Variants in GPT2 observed in about 807,000 individuals in gnomAD.
The protein encoded by GPT2 is glutamic--pyruvic transaminase 2.
In GPT2, 30 loss-of-function variants were observed where a neutral mutation model predicts 56.9. The ratio of observed to expected loss-of-function variants is 0.53; its 90% CI spans 0.39 to 0.72. GPT2 has a LOEUF of 0.72. Ranked by LOEUF, GPT2 falls within the 30% of genes least tolerant of loss-of-function variation. The pLI is 0.00. For synonymous variants in GPT2, 271 were observed against 283.1 expected (o/e 0.96, Z 0.43); for missense variants, 542 against 703.4 (o/e 0.77, Z 2.60).
chr16:46,928,444 GA>G (rs1961461001), intron 11 of GPT2, among the ~76,000 whole-genome samples: 1 of 152,004 alleles, frequency 6.6e-6, no homozygotes, highest in Non-Finnish European at 1.5e-5. Context: ...TCAACATGGT[GA>G]AACCCCGTCT....
chr16:46,929,086 C>A lies in GPT2; in HGVS notation c.*89C>A. 9.8e-7 allele frequency: 1 copy of A among 1,022,140 alleles called. No individual in the cohort carries two copies. The highest frequency in any genetic ancestry group is 1.6e-5 in the African/African-American group (1 of 63,514). The allele number at this position is 1,022,140 out of a possible 1,614,324, so 63.3% of individuals were successfully genotyped here. ...ACTCGCCTCCCCCGTGACTCTGCCTCGGGCCTCGCAGAGGCCGCTGGTCAC... is the reference window on the plus strand; with the variant it reads ...ACTCGCCTCCCCCGTGACTCTGCCTAGGGCCTCGCAGAGGCCGCTGGTCAC... On this transcript the variant is annotated 3_prime_UTR_variant, in exon 12 of 12. Coordinates refer to ENST00000340124, the MANE Select transcript of GPT2 (RefSeq NM_133443.4).
chr16:46,900,235 G>A (rs531005992), intron 3 of GPT2, among the ~76,000 whole-genome samples: 4 of 152,042 alleles, frequency 2.6e-5, no homozygotes, highest in Non-Finnish European at 5.9e-5. Context: ...GGAGGAAAGG[G>A]GGTGATGAGG....
At position 46,924,530 on chromosome 16, in the gene GPT2, G is replaced by A. The variant is rs147532606; in HGVS notation, c.1354G>A (p.Val452Met). 2.5e-4 allele frequency: 405 copies of A among 1,614,182 alleles called. 4 individuals carry two copies. The highest frequency in any genetic ancestry group is 2.2e-3 in the South Asian group (196 of 91,088). Residue 452 changes from valine (V) to methionine (M), a missense_variant, in exon 10 of 12, where the codon GTG becomes ATG. Val to Met is a conservative substitution (Grantham distance 21). Coordinates refer to ENST00000340124, the MANE Select transcript of GPT2 (RefSeq NM_133443.4). ...FPRIFIPAKA[V>M]EAAQAHQMAP... ...TCGGATCTTCATTCCTGCCAAAGCT[G>A]TGGAGGCTGCTCAGGTCTGGGGCAT...
intron 2 of GPT2, among the ~76,000 whole-genome samples, chr16:46,891,328 C>T (rs1012593391): frequency 1.3e-5 from 2 of 151,868 alleles, no homozygotes; most frequent in South Asian, 2.1e-4. Flanking sequence ...CTGCAACCTC[C>T]GTCTCCCGGG....
intron 9 of GPT2, 113 bp from the exon 10 acceptor site, chr16:46,924,276 C>A (rs772322562): frequency 8.2e-7 from 1 of 1,226,534 alleles, no homozygotes; most frequent in Non-Finnish European, 1.2e-6. Flanking sequence ...GTGTTCAAAG[C>A]TGGAGCAAAG....
rs1961480007 is a variant in GPT2, at chr16:46,929,152, C to T, written c.*155C>T. 1 of 631,116 alleles carries T rather than the reference C, an allele frequency of 1.6e-6. No individual in the cohort carries two copies. The highest frequency in any genetic ancestry group is 2.9e-6 in the Non-Finnish European group (1 of 350,762). The allele number at this position is 631,116 out of a possible 1,614,324, so 39.1% of individuals were successfully genotyped here. On this transcript the variant is annotated 3_prime_UTR_variant, in exon 12 of 12. Transcript: ENST00000340124. ...CCCCTGGAGACGTCTTTCTTTGTGC[C>T]TTGATGTTGAGAGCGCCTCTCTTTT... is the stretch of plus-strand genomic sequence containing the variant.
intron 2 of GPT2, among the ~76,000 whole-genome samples, chr16:46,893,522 G>T (rs1254077181): frequency 6.6e-6 from 1 of 152,196 alleles, no homozygotes; most frequent in Non-Finnish European, 1.5e-5. Flanking sequence ...TCCGTGGGCC[G>T]CCTTTTTGTT....
chr16:46,919,128 G>A (rs1236939512), intron 8 of GPT2, among the ~76,000 whole-genome samples: 1 of 152,244 alleles, frequency 6.6e-6, no homozygotes, highest in East Asian at 1.9e-4. Flanking sequence ...TGCTCTGGGT[G>A]CAGGGCTGCC....
intron 8 of GPT2, among the ~76,000 whole-genome samples, chr16:46,920,693 C>T (rs1961270040): frequency 6.6e-6 from 1 of 152,220 alleles, no homozygotes; most frequent in African/African-American, 2.4e-5. Context: ...GGCTGCCAAA[C>T]TGTTCTTGGG....
chr16:46,918,389 G>C (rs1206174564), intron 7 of GPT2, among the ~76,000 whole-genome samples: 1 of 152,220 alleles, frequency 6.6e-6, no homozygotes, highest in African/African-American at 2.4e-5. Flanking sequence ...ACGAGTGTGA[G>C]AGAAATCAAG....
rs1273346172 is a variant in GPT2, at chr16:46,926,913, C to G, written c.1369-12C>G. ...AGCCAGGAATGATCATGAGCTCTGT[C>G]TGCTCCCATAGGCCCATCAAATGGC... is the stretch of plus-strand genomic sequence containing the variant. On this transcript the variant is annotated splice_polypyrimidine_tract_variant and intron_variant, in intron 10 of 11. Transcript: ENST00000340124. The G allele has an allele frequency of 6.6e-7, 1 of 1,517,988 alleles. No homozygotes were observed. The highest frequency in any genetic ancestry group is 2.2e-5 in the Admixed American group (1 of 45,928). 94.0% of individuals were successfully genotyped at this position (1,517,988 alleles called of 1,614,324 possible).
chr16:46,929,946 G>GCAA lies in GPT2; in HGVS notation c.*950_*952dup, dbSNP rs1961504697. 1 of 152,602 alleles carries GCAA rather than the reference G, an allele frequency of 6.6e-6. No individual in the cohort carries two copies. The highest frequency in any genetic ancestry group is 1.5e-5 in the Non-Finnish European group (1 of 68,164). 9.5% of individuals were successfully genotyped at this position (152,602 alleles called of 1,614,324 possible). On this transcript the variant is annotated 3_prime_UTR_variant, in exon 12 of 12. Coordinates refer to ENST00000340124, the MANE Select transcript of GPT2 (RefSeq NM_133443.4). ...GGCTGAAAATATCCTCCCCACAAGG[G>GCAA]CAATCCCCGGGACCTGCCGAGCAGC... is the stretch of plus-strand genomic sequence containing the variant.
At chr16:46,913,805 G>A (rs1431829115) in intron 6 of GPT2, among the ~76,000 whole-genome samples, 1 of 152,090 alleles carries the variant, frequency 6.6e-6, no homozygotes, top group Non-Finnish European at 1.5e-5. Flanking sequence ...GGGTACAGAG[G>A]CTCATGCCTG....
intron 5 of GPT2, 121 bp downstream of exon 5, chr16:46,907,096 C>G: frequency 1.5e-6 from 2 of 1,315,950 alleles, no homozygotes; most frequent in Non-Finnish European, 2.1e-6. Context: ...TGGCCACCCT[C>G]TGGTCCCCCA....
intron 5 of GPT2, among the ~76,000 whole-genome samples, chr16:46,908,499 G>A (rs533003446): frequency 5.3e-5 from 8 of 152,274 alleles, no homozygotes; most frequent in Non-Finnish European, 8.8e-5. Context: ...CTGTCTGAAC[G>A]CTTCCTTTAA....
chr16:46,894,688 C>T (rs1411174265), intron 2 of GPT2, among the ~76,000 whole-genome samples: 4 of 150,764 alleles, frequency 2.7e-5, no homozygotes, highest in Non-Finnish European at 5.9e-5. Context: ...TTTTTTGAGA[C>T]GGAGTCTCGC....
chr16:46,897,847 T>C, intron 3 of GPT2, 110 bp downstream of exon 3: 3 of 870,342 alleles, frequency 3.4e-6, no homozygotes, highest in Non-Finnish European at 5.5e-6. Context: ...CCCAGCCTGA[T>C]ACCCTCTGGC....
intron 2 of GPT2, among the ~76,000 whole-genome samples, chr16:46,893,514 C>T (rs190171848): frequency 9.4e-4 from 143 of 152,326 alleles, no homozygotes; most frequent in African/African-American, 3.3e-3. Flanking sequence ...TGTTCCCTTC[C>T]GTGGGCCGCC....
At chr16:46,905,539 A>G (rs1044130469) in intron 4 of GPT2, among the ~76,000 whole-genome samples, 1 of 152,186 alleles carries the variant, frequency 6.6e-6, no homozygotes, top group African/African-American at 2.4e-5. Flanking sequence ...CTAAAAGAAT[A>G]TACAATGAAA....
Sources: allele counts gnomAD v4.1 joint callset (sites outside exome capture counted in the v4.1 genomes callset), GRCh38; gene constraint gnomAD v4.1.1; transcripts MANE v1.5; gene names NCBI Gene and HGNC (gene_info 2026-07-23, HGNC 2026-07-21).